The following RBFOX1 variants were observed in gnomAD, a reference collection of about 807,000 sequenced individuals.
RBFOX1 encodes the protein RNA binding fox-1 homolog 1, also known as RNA binding protein fox-1 homolog 1.
A neutral mutation model predicts 57.7 loss-of-function variants in RBFOX1; 8 were observed. The observed-to-expected ratio is 0.14, with a 90% CI of 0.08 to 0.25. The LOEUF (loss-of-function observed/expected upper bound fraction) is 0.25, where lower values mean the gene tolerates loss of function less well. Among genes scored for constraint, RBFOX1 ranks in the 10% least tolerant of loss-of-function variants. RBFOX1 has a pLI of 1.00. For missense variants in RBFOX1, 611 were observed against 548.5 expected, an observed-to-expected ratio of 1.11 and a Z score of -1.14; for synonymous variants, 326 against 222.4, an observed-to-expected ratio of 1.47 and a Z score of -4.15.
In RBFOX1 at chr16:7,587,246, G is replaced by A; in HGVS notation, c.415-1G>A. The A allele has an allele frequency of 6.4e-7, 1 of 1,567,438 alleles. No individual in the cohort carries two copies. Among genetic ancestry groups the A allele is most frequent in the African/African-American group, 1.4e-5 (1 of 73,492 alleles). On this transcript the variant is annotated splice_acceptor_variant, in intron 6 of 15. Coordinates refer to ENST00000550418, the MANE Select transcript of RBFOX1 (RefSeq NM_018723.4). LOFTEE classifies it high-confidence loss of function. ...TATAAGATATTTCTATTTCTTTGCA[G>A]CAATTTGGTAAAATCTTAGATGTTG...
At chr16:6,747,470 G>GTCTATCTA (rs1555766780) in intron 3 of RBFOX1, among the ~76,000 whole-genome samples, 1 of 146,898 alleles carries the variant, frequency 6.8e-6, no homozygotes, top group East Asian at 2.0e-4. Context: ...CTGTCTGTCT[G>GTCTATCTA]TCTGTTTATC....
intron 3 of RBFOX1, among the ~76,000 whole-genome samples, chr16:5,714,395 C>G (rs576594713): frequency 2.0e-4 from 30 of 152,304 alleles, no homozygotes; most frequent in African/African-American, 6.5e-4. Context: ...TGACTGGTCA[C>G]TGGAAATGGA....
At chr16:5,982,782 T>C (rs1042014951) in intron 4 of RBFOX1, among the ~76,000 whole-genome samples, 3 of 152,332 alleles carry the variant, frequency 2.0e-5, no homozygotes, top group East Asian at 1.9e-4. Flanking sequence ...AAATAGATGG[T>C]TACTTCCCAT....
At chr16:5,682,230 C>T (rs2050363610) in intron 3 of RBFOX1, among the ~76,000 whole-genome samples, 3 of 152,206 alleles carry the variant, frequency 2.0e-5, no homozygotes, top group Admixed American at 2.0e-4. Context: ...TGCATCATGC[C>T]TTGCAAATTT....
chr16:7,098,843 G>A (rs1355464264), intron 4 of RBFOX1, among the ~76,000 whole-genome samples: 1 of 152,112 alleles, frequency 6.6e-6, no homozygotes, highest in Non-Finnish European at 1.5e-5. Flanking sequence ...GTGAGGCACA[G>A]CTATATTCAA....
intron 2 of RBFOX1, chr16:6,483,531 G>T: frequency 6.5e-7 from 1 of 1,535,486 alleles, no homozygotes; most frequent in Non-Finnish European, 8.7e-7. Context: ...GCAGTCGTGG[G>T]AGATGCCCTT....
intron 2 of RBFOX1, among the ~76,000 whole-genome samples, chr16:6,371,542 T>A (rs889659032): frequency 6.6e-6 from 1 of 152,152 alleles, no homozygotes; most frequent in East Asian, 1.9e-4. Flanking sequence ...GTAAGTTTTT[T>A]TTAATAACAT....
chr16:6,076,003 A>G (rs2095893880), intron 1 of RBFOX1, among the ~76,000 whole-genome samples: 3 of 152,284 alleles, frequency 2.0e-5, no homozygotes, highest in Middle Eastern at 6.8e-3. Flanking sequence ...AATTGCTCTT[A>G]AAACACAGCT....
chr16:6,926,026 T>G (rs117457276), intron 3 of RBFOX1, among the ~76,000 whole-genome samples: 3,031 of 152,160 alleles, frequency 0.02, 83 homozygotes, highest in East Asian at 0.14. Context: ...CTCAACTTGC[T>G]GGCTGGGCTT....
At chr16:6,698,799 G>A (rs940686383) in intron 3 of RBFOX1, among the ~76,000 whole-genome samples, 1 of 152,130 alleles carries the variant, frequency 6.6e-6, no homozygotes, top group African/African-American at 2.4e-5. Flanking sequence ...ATGCAATGGT[G>A]AGAAATGTGA....
chr16:6,268,955 T>C (rs1001258847), intron 1 of RBFOX1, among the ~76,000 whole-genome samples: 2 of 152,236 alleles, frequency 1.3e-5, no homozygotes, highest in African/African-American at 4.8e-5. Flanking sequence ...AGTGTTTGCA[T>C]ATAACCTAAA....
intron 4 of RBFOX1, among the ~76,000 whole-genome samples, chr16:7,434,920 A>C (rs2098710357): frequency 1.3e-5 from 2 of 151,964 alleles, no homozygotes; most frequent in Admixed American, 1.3e-4. Context: ...TTGTATTTTT[A>C]GTAGAGATGG....
intron 2 of RBFOX1, among the ~76,000 whole-genome samples, chr16:6,504,039 T>C (rs1273261703): frequency 1.3e-5 from 2 of 152,236 alleles, no homozygotes; most frequent in South Asian, 4.1e-4. Flanking sequence ...TTCTTATCTT[T>C]TATTGTTTCA....
intron 4 of RBFOX1, among the ~76,000 whole-genome samples, chr16:7,388,644 CTTTTTTTTTTTTT>C (rs61629644): frequency 1.1e-5 from 1 of 92,620 alleles, no homozygotes; most frequent in South Asian, 4.4e-4. Context: ...GTTTCACTTA[CTTTTTTTTTTTTT>C]TTTTTTTTTT....
intron 3 of RBFOX1, among the ~76,000 whole-genome samples, chr16:6,719,184 C>G (rs1466571906): frequency 6.6e-6 from 1 of 151,986 alleles, no homozygotes; most frequent in Non-Finnish European, 1.5e-5. Flanking sequence ...GTACATATTT[C>G]TATGCAAAAA....
upstream of RBFOX1, chr16:6,018,971 G>C: frequency 2.0e-6 from 1 of 503,766 alleles, no homozygotes; most frequent in Non-Finnish European, 2.6e-6. Flanking sequence ...GCGTGACCGC[G>C]GCGGCGGCGG....
intron 3 of RBFOX1, among the ~76,000 whole-genome samples, chr16:6,858,530 C>G (rs1402278356): frequency 1.3e-5 from 2 of 152,122 alleles, no homozygotes; most frequent in Non-Finnish European, 2.9e-5. Context: ...ATCACGCTTG[C>G]TTGTTTTACT....
intron 1 of RBFOX1, among the ~76,000 whole-genome samples, chr16:6,238,090 CAAAAAAAAAAAAA>C (rs368995420): frequency 1.5e-5 from 1 of 66,086 alleles, no homozygotes; most frequent in African/African-American, 5.9e-5. Flanking sequence ...GACTCTGTCT[CAAAAAAAAAAAAA>C]AAAAAAAAGA....
chr16:6,930,142 A>G (rs1304584336), intron 3 of RBFOX1, among the ~76,000 whole-genome samples: 1 of 152,180 alleles, frequency 6.6e-6, no homozygotes, highest in African/African-American at 2.4e-5. Flanking sequence ...AATCTGTGCT[A>G]GGGAAATAAA....
Sources: gnomAD v4.1 joint callset for allele counts (sites outside exome capture counted in the v4.1 genomes callset) on GRCh38, gnomAD v4.1.1 for gene constraint, MANE v1.5 for transcripts, NCBI Gene and HGNC (gene_info 2026-07-23, HGNC 2026-07-21) for gene names.